The following TAFA5 variants were observed in gnomAD, a reference collection of about 807,000 sequenced individuals.
The protein encoded by TAFA5 is chemokine-like protein TAFA-5.
A neutral mutation model predicts 15.3 loss-of-function variants in TAFA5; 6 were observed. The observed-to-expected ratio is 0.39, with a 90% CI of 0.21 to 0.77. The LOEUF (loss-of-function observed/expected upper bound fraction) is 0.77, where lower values mean the gene tolerates loss of function less well. TAFA5 is among the 30% of genes least tolerant of loss of function. The pLI, the probability that TAFA5 is intolerant of heterozygous loss-of-function variation, is 0.41. For synonymous variants in TAFA5, 103 were observed against 80.7 expected (o/e 1.28, Z -1.48); for missense variants, 161 against 193.1 (o/e 0.83, Z 0.98).
In TAFA5 at chr22:48,646,745, C is replaced by G; in HGVS notation, c.261C>G (p.Asp87Glu). The G allele has an allele frequency of 6.4e-7, 1 of 1,574,124 alleles. No individual in the cohort carries two copies. Among genetic ancestry groups the G allele is most frequent in the Non-Finnish European group, 8.6e-7 (1 of 1,164,500 alleles). The change falls in exon 2 of 4, where the codon GAC becomes GAG. Residue 87 changes from aspartate to glutamate, a missense_variant and splice_region_variant. Coordinates refer to ENST00000402357, the MANE Select transcript of TAFA5 (RefSeq NM_001082967.3). ...CGAGAGCCCGGCCCGCCTGTGTGGA[C>G]GGTAAGCACCCGTGGCCCCAGGACC... ...GTTRARPACV[D>E]ARIIKTKQWC...
intron 3 of TAFA5, among the ~76,000 whole-genome samples, chr22:48,724,646 C>G (rs1569095177): frequency 6.6e-6 from 1 of 152,122 alleles, no homozygotes. Context: ...GGGGAAAGCC[C>G]CCTGGGGCTC....
intron 1 of TAFA5, among the ~76,000 whole-genome samples, chr22:48,538,625 C>T (rs550001828): frequency 5.3e-5 from 8 of 152,312 alleles, no homozygotes; most frequent in South Asian, 2.1e-4. Context: ...CTCTCTGCTC[C>T]GGGCCGCGGT....
chr22:48,540,893 A>AAT (rs71194363), intron 1 of TAFA5, among the ~76,000 whole-genome samples: 1 of 151,210 alleles, frequency 6.6e-6, no homozygotes, highest in Admixed American at 6.6e-5. Context: ...AAAAAAAAAA[A>AAT]TACAAACAGC....
At chr22:48,721,328 C>T (rs1254627901) in intron 3 of TAFA5, among the ~76,000 whole-genome samples, 2 of 152,210 alleles carry the variant, frequency 1.3e-5, no homozygotes, top group Non-Finnish European at 2.9e-5. Context: ...CCACTGCCTT[C>T]GTCCCGCCCG....
At chr22:48,584,652 C>CCA (rs748316724) in intron 1 of TAFA5, among the ~76,000 whole-genome samples, 102 of 147,766 alleles carry the variant, frequency 6.9e-4, no homozygotes, top group Admixed American at 5.5e-3. Flanking sequence ...CACACATGCA[C>CCA]CACACACACA....
chr22:48,614,948 C>G (rs1035458045), intron 1 of TAFA5, among the ~76,000 whole-genome samples: 1 of 152,204 alleles, frequency 6.6e-6, no homozygotes, highest in Non-Finnish European at 1.5e-5. Context: ...CCAGAAGCCA[C>G]TGGCTGCTTG....
chr22:48,593,803 C>T lies in TAFA5; in HGVS notation c.113-52794C>T, dbSNP rs1924662845. ...CTGTGAAATGGGACAGTAAGAGCTCCCCCGAGGCCAAGTCCTGCCGCCCTC... is the reference window on the plus strand; with the variant it reads ...CTGTGAAATGGGACAGTAAGAGCTCTCCCGAGGCCAAGTCCTGCCGCCCTC... On this transcript the variant is annotated intron_variant, in intron 1 of 3. Coordinates refer to ENST00000402357, the MANE Select transcript of TAFA5 (RefSeq NM_001082967.3). 2.0e-5 allele frequency among the ~76,000 whole-genome samples: 3 copies of T among 152,102 alleles called. No individual in the cohort carries two copies. In the South Asian group the frequency reaches 6.2e-4, roughly 32 times the overall value.
At chr22:48,698,132 G>T (rs1928784336) in intron 2 of TAFA5, among the ~76,000 whole-genome samples, 1 of 150,134 alleles carries the variant, frequency 6.7e-6, no homozygotes, top group Non-Finnish European at 1.5e-5. Context: ...GATGGTGGTG[G>T]TTATGATTAT....
rs183938381 is a variant in TAFA5, at chr22:48,695,824, C to T, written c.263-11893C>T. 2.0e-4 allele frequency among the ~76,000 whole-genome samples: 30 copies of T among 152,308 alleles called. No homozygotes were observed. In the Middle Eastern group the frequency reaches 0.01, roughly 52 times the overall value. The stretch of plus-strand genomic sequence containing the variant: ...AAATAGGCGGGCCCTCTGGCGTCAC[C>T]AGAGTCCTGGCGAGGGGAGTCAGCG... On this transcript the variant is annotated intron_variant, in intron 2 of 3. Coordinates refer to ENST00000402357, the MANE Select transcript of TAFA5 (RefSeq NM_001082967.3).
intron 1 of TAFA5, among the ~76,000 whole-genome samples, chr22:48,507,114 G>A (rs200925848): frequency 0.36 from 52,982 of 147,428 alleles, 12,304 homozygotes; most frequent in African/African-American, 0.67. Flanking sequence ...AGAAGGAGGT[G>A]GCCGCCAAGG....
chr22:48,542,149 G>GTGT (rs1922411564), intron 1 of TAFA5, among the ~76,000 whole-genome samples: 1 of 140,402 alleles, frequency 7.1e-6, no homozygotes, highest in African/African-American at 2.8e-5. Context: ...GTGTGTGTGT[G>GTGT]GGTGTGGGGG....
Position 48,644,442 on chromosome 22 carries a change from A to G in TAFA5, c.113-2155A>G, listed in dbSNP as rs1443430356. On this transcript the variant is annotated intron_variant, in intron 1 of 3. Coordinates refer to ENST00000402357, the MANE Select transcript of TAFA5 (RefSeq NM_001082967.3). The stretch of plus-strand genomic sequence containing the variant: ...CACCTTGGACAGCTCCATGCCCTGC[A>G]CCATGGGCAGAAGGAGCTGGGGCAG... Among the ~76,000 whole-genome samples, 3 of 152,328 alleles carry G rather than the reference A, an allele frequency of 2.0e-5. No individual in the cohort carries two copies. The East Asian group carries it at 5.8e-4, about 29-fold the overall frequency.
intron 1 of TAFA5, among the ~76,000 whole-genome samples, chr22:48,635,292 C>T (rs758891334): frequency 9.9e-5 from 15 of 152,194 alleles, no homozygotes; most frequent in African/African-American, 2.4e-4. Context: ...GGCACAGCTG[C>T]GAGAAGCAGA....
At chr22:48,605,778 C>T (rs1925170761) in intron 1 of TAFA5, among the ~76,000 whole-genome samples, 1 of 152,180 alleles carries the variant, frequency 6.6e-6, no homozygotes, top group Non-Finnish European at 1.5e-5. Context: ...GATTAACATT[C>T]ACTTAGAGGG....
At chr22:48,537,702 C>T (rs936727300) in intron 1 of TAFA5, among the ~76,000 whole-genome samples, 2 of 152,248 alleles carry the variant, frequency 1.3e-5, no homozygotes, top group Non-Finnish European at 2.9e-5. Flanking sequence ...GCAGCTCTCC[C>T]TGGGGCCCTG....
chr22:48,640,660 CG>C (rs1383560142), intron 1 of TAFA5, among the ~76,000 whole-genome samples: 1 of 152,180 alleles, frequency 6.6e-6, no homozygotes, highest in Non-Finnish European at 1.5e-5. Flanking sequence ...AGCCACATGG[CG>C]CACAGATGGT....
chr22:48,526,148 G>A (rs1016113262), intron 1 of TAFA5, among the ~76,000 whole-genome samples: 5 of 152,226 alleles, frequency 3.3e-5, no homozygotes, highest in African/African-American at 1.2e-4. Flanking sequence ...GGCCCTGCCC[G>A]GGTGCTCCCA....
At chr22:48,702,353 G>A (rs1928936367) in intron 2 of TAFA5, among the ~76,000 whole-genome samples, 1 of 152,010 alleles carries the variant, frequency 6.6e-6, no homozygotes, top group Non-Finnish European at 1.5e-5. Context: ...GGGCTGTGGG[G>A]TCCTACAGAG....
intron 2 of TAFA5, among the ~76,000 whole-genome samples, chr22:48,660,259 G>A (rs1481551664): frequency 6.6e-6 from 1 of 152,206 alleles, no homozygotes; most frequent in Non-Finnish European, 1.5e-5. Context: ...GACGATGGTT[G>A]GATGGGGCCT....
Sources: allele counts gnomAD v4.1 joint callset (sites outside exome capture counted in the v4.1 genomes callset), GRCh38; gene constraint gnomAD v4.1.1; transcripts MANE v1.5; gene names NCBI Gene and HGNC (gene_info 2026-07-23, HGNC 2026-07-21).